Variants in TNXB observed in about 807,000 individuals in gnomAD.
TNXB encodes the protein tenascin XB, also known as tenascin-X.
TNXB carries 183 observed loss-of-function variants against 340.5 expected under a neutral mutation model. The observed-to-expected ratio is 0.54, with a 90% CI of 0.48 to 0.61. The LOEUF (loss-of-function observed/expected upper bound fraction) is 0.61, where lower values mean the gene tolerates loss of function less well. Among genes scored for constraint, TNXB ranks in the 20% least tolerant of loss-of-function variants. The pLI is 0.00. For synonymous variants in TNXB, 2,121 were observed against 2,314.5 expected, an observed-to-expected ratio of 0.92 and a Z score of 2.40; for missense variants, 4,613 against 5,446.4, an observed-to-expected ratio of 0.85 and a Z score of 4.82.
rs552999105 is a variant in TNXB, at chr6:32,089,786, C to T, written c.2359-407G>A. 6.6e-6 allele frequency among the ~76,000 whole-genome samples: 1 copy of T among 152,306 alleles called. No individual in the cohort carries two copies. The highest frequency in any genetic ancestry group is 2.4e-5 in the African/African-American group (1 of 41,564). ...ATCTGTCAGAGTCCCCTCTCATGGG[C>T]ACCCCGTGTTCATCTGCCAGAATTC... On this transcript the variant is annotated intron_variant, in intron 4 of 43. Transcript: ENST00000644971. The surrounding 1 kb of genome is among the most constrained non-coding windows in gnomAD (Gnocchi z 6.2).
Position 32,086,015 on chromosome 6 carries a change from C to T in TNXB, c.2883G>A (p.Gln961=). 1 of 1,606,384 alleles carries T rather than the reference C, an allele frequency of 6.2e-7. No individual in the cohort carries two copies. The highest frequency in any genetic ancestry group is 8.5e-7 in the Non-Finnish European group (1 of 1,178,238). The change falls in exon 7 of 44, where the codon CAG becomes CAA. Residue 961 remains glutamine, a synonymous_variant. Coordinates refer to ENST00000644971, the MANE Select transcript of TNXB (RefSeq NM_001365276.2). ...AQAPLLQQRP[Q]ELGELRVLGR... is the part of the protein sequence containing the mutation. Reference sequence around the variant, plus strand: ...CCAGCACCCTCAACTCTCCCAGCTCCTGGGGGCGCTGCTGCAGGAGAGGAG... The same window carrying T: ...CCAGCACCCTCAACTCTCCCAGCTCTTGGGGGCGCTGCTGCAGGAGAGGAG...
chr6:32,079,374 A>T lies in TNXB; in HGVS notation c.4043-9T>A. On this transcript the variant is annotated splice_polypyrimidine_tract_variant and intron_variant, in intron 10 of 43. Transcript: ENST00000644971. The surrounding 1 kb of genome is among the most constrained non-coding windows in gnomAD (Gnocchi z 7.1). The stretch of plus-strand genomic sequence containing the variant: ...CACATCCTCCTGAGGAGCTGAGAGA[A>T]GAGATAGAGGCATAAAGGGCTGCTG... 6.3e-7 allele frequency: 1 copy of T among 1,594,498 alleles called. No individual in the cohort carries two copies. Among genetic ancestry groups the T allele is most frequent in the Non-Finnish European group, 8.5e-7 (1 of 1,169,784 alleles).
At position 32,073,679 on chromosome 6, in the gene TNXB, C is replaced by A. The variant is rs763075781; in HGVS notation, c.4649G>T (p.Arg1550Leu). 2 of 1,609,470 alleles carry A rather than the reference C, an allele frequency of 1.2e-6. No individual in the cohort carries two copies. The highest frequency in any genetic ancestry group is 1.7e-6 in the Non-Finnish European group (2 of 1,178,386). Residue 1550 changes from arginine to leucine, a missense_variant, in exon 12 of 44, where the codon CGC becomes CTC. Arg to Leu is a moderately radical substitution (Grantham distance 102). This residue lies in a region of TNXB where 4,327 missense variants were observed against 4,859.4 expected (regional missense o/e 0.89). Transcript: ENST00000644971. This position sits in a 1 kb window ranked among gnomAD's most constrained non-coding sequence, Gnocchi z 4.6. Reference protein sequence around the residue: ...MNMYGLHDGQRMGPLSVVIVT... With the variant: ...MNMYGLHDGQLMGPLSVVIVT... Reference sequence around the variant, plus strand: ...GATGACCACAGACAGGGGGCCCATGCGTTGCCCATCATGTAGTCCATACAT... The same window carrying A: ...GATGACCACAGACAGGGGGCCCATGAGTTGCCCATCATGTAGTCCATACAT...
chr6:32,067,876 G>A lies in TNXB; in HGVS notation c.6329C>T (p.Ser2110Leu), dbSNP rs768919542. The part of the protein sequence containing the change: ...ELTVTGSSPD[S>L]LSLSWTVPQG... ...GGGGACGGTCCAGGAGAGGCTCAGC[G>A]AGTCAGGGGAGGATCCTGTCACTGT... is the stretch of plus-strand genomic sequence containing the variant. The change falls in exon 18 of 44, where the codon TCG becomes TTG. Residue 2110 changes from serine (S) to leucine (L), a missense_variant. Ser to Leu is a moderately radical substitution (Grantham distance 145). Coordinates refer to ENST00000644971, the MANE Select transcript of TNXB (RefSeq NM_001365276.2). This position sits in a 1 kb window ranked among gnomAD's most constrained non-coding sequence, Gnocchi z 4.2. The A allele has an allele frequency of 2.0e-5, 33 of 1,612,782 alleles. No individual in the cohort carries two copies. Among genetic ancestry groups the A allele is most frequent in the South Asian group, 1.1e-4 (10 of 91,048 alleles).
At position 32,084,692 on chromosome 6, in the gene TNXB, G is replaced by A; in HGVS notation, c.3166C>T (p.Pro1056Ser). 6.3e-7 allele frequency: 1 copy of A among 1,575,838 alleles called. No individual in the cohort carries two copies. The highest frequency in any genetic ancestry group is 8.6e-7 in the Non-Finnish European group (1 of 1,156,886). Residue 1056 changes from proline (P) to serine (S), a missense_variant, in exon 8 of 44, where the codon CCT (proline) becomes TCT (serine). Pro to Ser is a moderately conservative substitution (Grantham distance 74, BLOSUM62 -1). Coordinates refer to ENST00000644971, the MANE Select transcript of TNXB (RefSeq NM_001365276.2). The surrounding 1 kb of genome is among the most constrained non-coding windows in gnomAD (Gnocchi z 5.5). ...CGTGGTGGGCCTGAGGACTTCCCAGGCTTCTCCTCATCCTTGTCTGGAGTT... is the reference window on the plus strand; with the variant it reads ...CGTGGTGGGCCTGAGGACTTCCCAGACTTCTCCTCATCCTTGTCTGGAGTT... ...QGIMDKDEEK[P>S]GKSSGPPRLG...
In TNXB at chr6:32,089,349, G is replaced by C; in HGVS notation, c.2389C>G (p.Arg797Gly). 1 of 1,608,232 alleles carries C rather than the reference G, an allele frequency of 6.2e-7. No individual in the cohort carries two copies. Among genetic ancestry groups the C allele is most frequent in the Non-Finnish European group, 8.5e-7 (1 of 1,178,188 alleles). ...TEGASPPFTA[R>G]VPSSASAYDQ... ...TAGGCTGAGGCAGAGCTTGGAACCC[G>C]TGCTGTGAATGGGGGGCTCGCCCCC... The change falls in exon 5 of 44, where the codon CGG becomes GGG. Residue 797 changes from arginine (R) to glycine (G), a missense_variant. Physicochemically the swap from Arg to Gly is moderately radical, Grantham distance 125. Around this residue, in one of 7 missense-constraint regions of TNXB, gnomAD observed 4,327 missense variants for 4,859.4 expected, o/e 0.89. Transcript: ENST00000644971. This position sits in a 1 kb window ranked among gnomAD's most constrained non-coding sequence, Gnocchi z 6.2.
rs1245920845 is a variant in TNXB at position 32,069,318 on chromosome 6, T to C, written c.5588-182A>G. ...TTGCAAGAAATGAAACACAAGAGAC[T>C]GCGTATTGTGATTCCATTACATGGA... On this transcript the variant is annotated intron_variant, in intron 15 of 43. Coordinates refer to ENST00000644971, the MANE Select transcript of TNXB (RefSeq NM_001365276.2). The surrounding 1 kb of genome is among the most constrained non-coding windows in gnomAD (Gnocchi z 6.2). 1.3e-5 allele frequency among the ~76,000 whole-genome samples: 2 copies of C among 152,240 alleles called. No individual in the cohort carries two copies. Among genetic ancestry groups the C allele is most frequent in the Non-Finnish European group, 2.9e-5 (2 of 68,032 alleles).
chr6:32,050,152 C>G lies in TNXB; in HGVS notation c.9285G>C (p.Arg3095Ser). The change falls in exon 27 of 44, where the codon AGG (arginine) becomes AGC (serine). Residue 3095 changes from arginine to serine, a missense_variant. Physicochemically the swap from Arg to Ser is moderately radical, Grantham distance 110. Coordinates refer to ENST00000644971, the MANE Select transcript of TNXB (RefSeq NM_001365276.2). ...CCGCCTTGGGCTGCCCATCCCCATT[C>G]CTGTACTGGACCAGGAAGTGGTCAA... ...GQFDHFLVQY[R>S]NGDGQPKAVR... 1 of 1,613,862 alleles carries G rather than the reference C, an allele frequency of 6.2e-7. No homozygotes were observed. Among genetic ancestry groups the G allele is most frequent in the Non-Finnish European group, 8.5e-7 (1 of 1,179,886 alleles).
intron 21 of TNXB, among the ~76,000 whole-genome samples, chr6:32,060,781 G>T (rs916474634): frequency 1.3e-5 from 2 of 151,874 alleles, no homozygotes; most frequent in Admixed American, 1.3e-4. Context: ...TGGGATTACA[G>T]GCATGTGCCA....
At position 32,075,480 on chromosome 6, in the gene TNXB, G is replaced by A. The variant is rs1356563225; in HGVS notation, c.4376-1528C>T. Among the ~76,000 whole-genome samples, 1 of 152,198 alleles carries A rather than the reference G, an allele frequency of 6.6e-6. No individual in the cohort carries two copies. The highest frequency in any genetic ancestry group is 1.5e-5 in the Non-Finnish European group (1 of 68,048). ...TGCTCTTTCCCCAAAGGCCTAGGTG[G>A]CTGTCCTCTCACCTCCTTCAGGGCT... is the stretch of plus-strand genomic sequence containing the variant. On this transcript the variant is annotated intron_variant, in intron 11 of 43. Coordinates refer to ENST00000644971, the MANE Select transcript of TNXB (RefSeq NM_001365276.2). The surrounding 1 kb of genome is among the most constrained non-coding windows in gnomAD (Gnocchi z 4.6).
rs377456122 is a variant in TNXB at position 32,095,893 on chromosome 6, C to G, written c.1960G>C (p.Ala654Pro). The G allele has an allele frequency of 2.5e-6, 4 of 1,612,666 alleles. No individual in the cohort carries two copies. The highest frequency in any genetic ancestry group is 2.5e-6 in the Non-Finnish European group (3 of 1,179,458). Residue 654 changes from alanine to proline, a missense_variant, in exon 3 of 44, where the codon GCT (alanine) becomes CCT (proline). By Grantham distance (27) the Ala-to-Pro change is conservative. This residue lies in a region of TNXB where 4,327 missense variants were observed against 4,859.4 expected (regional missense o/e 0.89). Coordinates refer to ENST00000644971, the MANE Select transcript of TNXB (RefSeq NM_001365276.2). The stretch of plus-strand genomic sequence containing the variant: ...CACCGCCCACGTCCCCGGCAGTCAG[C>G]CGGGCACATGCGGGTGGCACAGGTA... The part of the protein sequence containing the change: ...GPTCATRMCP[A>P]DCRGRGRCVQ...
rs992891323 is a variant in TNXB at position 32,087,016 on chromosome 6, T to A, written c.2780-898A>T. On this transcript the variant is annotated intron_variant, in intron 6 of 43. Coordinates refer to ENST00000644971, the MANE Select transcript of TNXB (RefSeq NM_001365276.2). This position sits in a 1 kb window ranked among gnomAD's most constrained non-coding sequence, Gnocchi z 9.0. Reference sequence around the variant, plus strand: ...TCCCGGGAAACCCCAAAGAAGGCGCTGCCTTGACCTTAGGCATCCACAGGA... The same window carrying A: ...TCCCGGGAAACCCCAAAGAAGGCGCAGCCTTGACCTTAGGCATCCACAGGA... Among the ~76,000 whole-genome samples, 13 of 152,202 alleles carry A rather than the reference T, an allele frequency of 8.5e-5. No individual in the cohort carries two copies. Among genetic ancestry groups the A allele is most frequent in the African/African-American group, 3.1e-4 (13 of 41,454 alleles).
Position 32,070,470 on chromosome 6 carries a change from C to A in TNXB, c.4991-56G>T. On this transcript the variant is annotated intron_variant, in intron 13 of 43. Coordinates refer to ENST00000644971, the MANE Select transcript of TNXB (RefSeq NM_001365276.2). The surrounding 1 kb of genome is among the most constrained non-coding windows in gnomAD (Gnocchi z 6.0). ...TTCCAAAACGACTCCTTGACTGCCT[C>A]CCTCTGGGGCTGGAAAAACCCAGAA... 6.8e-7 allele frequency: 1 copy of A among 1,477,764 alleles called. No individual in the cohort carries two copies. Among genetic ancestry groups the A allele is most frequent in the South Asian group, 1.4e-5 (1 of 70,924 alleles). 91.5% of individuals were successfully genotyped at this position (1,477,764 alleles called of 1,614,324 possible).
chr6:32,070,022 C>A lies in TNXB; in HGVS notation c.5278+105G>T. 3 of 1,413,990 alleles carry A rather than the reference C, an allele frequency of 2.1e-6. No homozygotes were observed. Among genetic ancestry groups the A allele is most frequent in the Non-Finnish European group, 2.8e-6 (3 of 1,074,604 alleles). The allele number at this position is 1,413,990 out of a possible 1,614,324, so 87.6% of individuals were successfully genotyped here. A position where few individuals can be genotyped will look rare whatever the true frequency, so the allele number is the denominator to read the frequency against. On this transcript the variant is annotated intron_variant, in intron 14 of 43. Coordinates refer to ENST00000644971, the MANE Select transcript of TNXB (RefSeq NM_001365276.2). The surrounding 1 kb of genome is among the most constrained non-coding windows in gnomAD (Gnocchi z 6.0). ...AGGGACGTGGGGAGCTGGATCTGAG[C>A]CGAGTGGCTGGGGCCAAATAATGGT...
rs1778601530 is a variant in TNXB at position 32,069,176 on chromosome 6, T to C, written c.5588-40A>G. 1.9e-6 allele frequency: 3 copies of C among 1,560,120 alleles called. No individual in the cohort carries two copies. Among genetic ancestry groups the C allele is most frequent in the Non-Finnish European group, 2.6e-6 (3 of 1,154,380 alleles). On this transcript the variant is annotated intron_variant, in intron 15 of 43. Coordinates refer to ENST00000644971, the MANE Select transcript of TNXB (RefSeq NM_001365276.2). This position sits in a 1 kb window ranked among gnomAD's most constrained non-coding sequence, Gnocchi z 6.2. The stretch of plus-strand genomic sequence containing the variant: ...CAGGTAGAGACAGATGGCTGGTGTG[T>C]CGCTGCACCCAGACTCTCAGGAGGA...
chr6:32,071,363 T>C (rs1018364925), intron 13 of TNXB, among the ~76,000 whole-genome samples: 1 of 151,958 alleles, frequency 6.6e-6, no homozygotes, highest in Admixed American at 6.5e-5. Flanking sequence ...CAGGAGGTGA[T>C]GGATTCGCAA....
At position 32,046,644 on chromosome 6, in the gene TNXB, C is replaced by G. The variant is rs1236027421; in HGVS notation, c.10325-188G>C. On this transcript the variant is annotated intron_variant, in intron 30 of 43. Coordinates refer to ENST00000644971, the MANE Select transcript of TNXB (RefSeq NM_001365276.2). The surrounding 1 kb of genome is among the most constrained non-coding windows in gnomAD (Gnocchi z 6.9). ...GAATGAGGGAGAACAGCCCCCTCCT[C>G]CTCTGGAGGCTGCTGCCCAAACTCC... is the stretch of plus-strand genomic sequence containing the variant. The G allele has an allele frequency of 5.9e-6, 3 of 504,214 alleles. No individual in the cohort carries two copies. Among genetic ancestry groups the G allele is most frequent in the Non-Finnish European group, 1.0e-5 (3 of 291,842 alleles). The allele number at this position is 504,214 out of a possible 1,614,324, so 31.2% of individuals were successfully genotyped here. A position where few individuals can be genotyped will look rare whatever the true frequency, so the allele number is the denominator to read the frequency against.
In TNXB at chr6:32,047,605, T is replaced by C; in HGVS notation, c.10324+129A>G. 1.9e-6 allele frequency: 2 copies of C among 1,054,976 alleles called. No homozygotes were observed. Among genetic ancestry groups the C allele is most frequent in the East Asian group, 2.6e-5 (1 of 39,138 alleles). 65.4% of individuals were successfully genotyped at this position (1,054,976 alleles called of 1,614,324 possible). On this transcript the variant is annotated intron_variant, in intron 30 of 43. Transcript: ENST00000644971. The surrounding 1 kb of genome is among the most constrained non-coding windows in gnomAD (Gnocchi z 6.2). ...AACTGTGCCTGACACACAGAGGGAC[T>C]CACTTTCGGAGTTAAGATGGTTGTG...
At chr6:32,044,292 G>A (rs1225023676) in intron 33 of TNXB, 89 bp downstream of exon 33, 20 of 497,230 alleles carry the variant, frequency 4.0e-5, no homozygotes, top group African/African-American at 2.2e-4. Flanking sequence ...CCACCAACTC[G>A]CCCACCCCCA....
Sources: allele counts gnomAD v4.1 joint callset (sites outside exome capture counted in the v4.1 genomes callset), GRCh38; gene constraint gnomAD v4.1.1; regional missense constraint gnomAD v4.1.1; non-coding constraint Gnocchi (gnomAD v3.1); transcripts MANE v1.5; gene names NCBI Gene and HGNC (gene_info 2026-07-23, HGNC 2026-07-21).